TMC7: variants seen among roughly 807,000 people sequenced by gnomAD.
TMC7 encodes the protein transmembrane channel like 7, also known as transmembrane channel-like protein 7.
A neutral mutation model predicts 82.9 loss-of-function variants in TMC7; 54 were observed. That is an observed-to-expected ratio of 0.65 (90% CI 0.52 to 0.82). The LOEUF (loss-of-function observed/expected upper bound fraction) is 0.82. TMC7 is among the 40% of genes least tolerant of loss of function. The pLI, the probability that TMC7 is intolerant of heterozygous loss-of-function variation, is 0.00. For missense variants in TMC7, 820 were observed against 901.2 expected, an observed-to-expected ratio of 0.91 and a Z score of 1.15; for synonymous variants, 350 against 337.9, an observed-to-expected ratio of 1.04 and a Z score of -0.39.
At chr16:19,006,778 G>A (rs2039247396) in intron 1 of TMC7, among the ~76,000 whole-genome samples, 1 of 152,172 alleles carries the variant, frequency 6.6e-6, no homozygotes, top group South Asian at 2.1e-4. Flanking sequence ...TCATCATGGC[G>A]ATGCCTGGTG....
intron 2 of TMC7, among the ~76,000 whole-genome samples, chr16:19,011,243 G>A (rs999758410): frequency 2.0e-5 from 3 of 152,156 alleles, no homozygotes; most frequent in Admixed American, 6.6e-5. Flanking sequence ...ATGGATTTGG[G>A]TGGTAGCTTG....
chr16:18,985,393 T>C (rs1227279748), intron 1 of TMC7, among the ~76,000 whole-genome samples: 2 of 151,962 alleles, frequency 1.3e-5, no homozygotes, highest in Non-Finnish European at 2.9e-5. Context: ...AAAACAAAAG[T>C]TGGGGTGGAT....
At chr16:19,001,026 C>G (rs1265468977) in intron 1 of TMC7, among the ~76,000 whole-genome samples, 1 of 151,958 alleles carries the variant, frequency 6.6e-6, no homozygotes, top group Admixed American at 6.6e-5. Flanking sequence ...AATAAAACAC[C>G]AAACAAAACA....
At chr16:19,029,252 G>A (rs1249492452) in intron 5 of TMC7, among the ~76,000 whole-genome samples, 7 of 151,802 alleles carry the variant, frequency 4.6e-5, no homozygotes, top group Admixed American at 2.0e-4. Context: ...TGATCTATCC[G>A]CCTCGGCCTC....
In TMC7 at chr16:19,014,028, G is replaced by A. The variant is rs114707203; in HGVS notation, c.312-2422G>A. ...GCCACCGCACCCAGCTAATTTTTTTGTATTTTTTATTTTGTTTTTAGTAGA... is the reference window on the plus strand; with the variant it reads ...GCCACCGCACCCAGCTAATTTTTTTATATTTTTTATTTTGTTTTTAGTAGA... On this transcript the variant is annotated intron_variant, in intron 2 of 15. Coordinates refer to ENST00000304381, the MANE Select transcript of TMC7 (RefSeq NM_024847.4). Among the ~76,000 whole-genome samples the A allele has an allele frequency of 7.5e-3, 1,133 of 151,442 alleles. 11 individuals carry two copies. The highest frequency in any genetic ancestry group is 0.026 in the African/African-American group (1,080 of 41,296).
intron 1 of TMC7, among the ~76,000 whole-genome samples, chr16:18,988,447 G>A (rs1045753807): frequency 6.6e-5 from 10 of 151,502 alleles, no homozygotes; most frequent in African/African-American, 2.2e-4. Context: ...ATGCAACCAC[G>A]TCTGGCTAAT....
intron 13 of TMC7, among the ~76,000 whole-genome samples, chr16:19,052,694 T>G (rs1961592737): frequency 1.3e-5 from 2 of 151,676 alleles, no homozygotes; most frequent in South Asian, 4.2e-4. Context: ...GCCTGGAACT[T>G]TGAGTCCCTC....
intron 12 of TMC7, among the ~76,000 whole-genome samples, chr16:19,050,366 CAAAAAAAAAAAAAA>C (rs71143824): frequency 1.2e-5 from 1 of 83,048 alleles, no homozygotes; most frequent in Non-Finnish European, 2.1e-5. Flanking sequence ...GATTCCGTCT[CAAAAAAAAAAAAAA>C]AAAAAAAAAA....
At chr16:19,000,835 A>G (rs988900670) in intron 1 of TMC7, among the ~76,000 whole-genome samples, 1 of 152,132 alleles carries the variant, frequency 6.6e-6, no homozygotes, top group South Asian at 2.1e-4. Context: ...TCTGGGCAAT[A>G]TGGTAAAACC....
At position 19,062,664 on chromosome 16, in the gene TMC7, T is replaced by C. The variant is rs1046303359; in HGVS notation, c.*821T>C. ...AGAATATCTCTTAAGATTTCCGTTA[T>C]GGTAAAAACCATATGCAATAAATAC... is the stretch of plus-strand genomic sequence containing the variant. On this transcript the variant is annotated 3_prime_UTR_variant, in exon 16 of 16. Coordinates refer to ENST00000304381, the MANE Select transcript of TMC7 (RefSeq NM_024847.4). 2.6e-5 allele frequency: 4 copies of C among 152,666 alleles called. No individual in the cohort carries two copies. The highest frequency in any genetic ancestry group is 7.2e-5 in the African/African-American group (3 of 41,458). 9.5% of individuals were successfully genotyped at this position (152,666 alleles called of 1,614,324 possible).
At chr16:19,037,117 C>A (rs1960782856) in intron 7 of TMC7, among the ~76,000 whole-genome samples, 2 of 152,042 alleles carry the variant, frequency 1.3e-5, no homozygotes, top group South Asian at 4.1e-4. Context: ...TTGGGCTAGG[C>A]CAGGCGCAGT....
At chr16:19,042,001 A>G (rs954099400) in intron 9 of TMC7, among the ~76,000 whole-genome samples, 11 of 152,092 alleles carry the variant, frequency 7.2e-5, no homozygotes, top group African/African-American at 2.7e-4. Context: ...CATAGTTGCT[A>G]TAAATGACTG....
chr16:19,051,899 T>C, intron 13 of TMC7, 83 bp downstream of exon 13: 1 of 291,472 alleles, frequency 3.4e-6, no homozygotes, highest in South Asian at 1.0e-4. Context: ...TCATATCACA[T>C]TTTTTTTTTT....
chr16:19,025,943 C>A (rs1050817805), intron 5 of TMC7, among the ~76,000 whole-genome samples: 2 of 151,580 alleles, frequency 1.3e-5, no homozygotes, highest in Non-Finnish European at 2.9e-5. Context: ...TGTGTATGTG[C>A]GTGTGTTTGT....
chr16:19,032,498 G>C (rs1960561770), intron 6 of TMC7, among the ~76,000 whole-genome samples: 1 of 151,322 alleles, frequency 6.6e-6, no homozygotes, highest in African/African-American at 2.4e-5. Flanking sequence ...AGACAATTTG[G>C]AAGTGCCATC....
rs11864159 is a variant in TMC7, at chr16:19,056,574, C to T, written c.1904C>T (p.Thr635Ile). 4,177 of 1,614,106 alleles carry T rather than the reference C, an allele frequency of 2.6e-3. 96 individuals are homozygous for T. In the African/African-American group the frequency reaches 0.047, roughly 18 times the overall value. ...IPSSKACGPF[T>I]NFNTTWEVIP... ...TCCTCGAAAGCCTGTGGGCCGTTCA[C>T]CAACTTCAACACCACCTGGGAGGTC... Residue 635 changes from threonine to isoleucine, a missense_variant, in exon 14 of 16, where the codon ACC (threonine) becomes ATC (isoleucine). Around this residue, in one of 2 missense-constraint regions of TMC7, gnomAD observed 170 missense variants for 231.3 expected, o/e 0.74. Transcript: ENST00000304381.
chr16:19,008,312 TGATATAGAAAC>T (rs998020899), intron 1 of TMC7, among the ~76,000 whole-genome samples: 2 of 152,186 alleles, frequency 1.3e-5, no homozygotes, highest in African/African-American at 4.8e-5. Context: ...AGCTCTGGCC[TGATATAGAAAC>T]GATAAGGGTT....
Position 19,001,190 on chromosome 16 carries a change from C to T in TMC7, c.68-7982C>T, listed in dbSNP as rs1345939549. Among the ~76,000 whole-genome samples, 3 of 152,098 alleles carry T rather than the reference C, an allele frequency of 2.0e-5. No homozygotes were observed. In the East Asian group the frequency reaches 5.8e-4, roughly 29 times the overall value. ...TGGTTGGCGTGGTGGGTGATCTAAC[C>T]TATCTTGTATCCTCAGCATCAAATT... On this transcript the variant is annotated intron_variant, in intron 1 of 15. Coordinates refer to ENST00000304381, the MANE Select transcript of TMC7 (RefSeq NM_024847.4).
chr16:19,059,538 C>G, intron 15 of TMC7, 44 bp downstream of exon 15: 2 of 1,614,030 alleles, frequency 1.2e-6, no homozygotes, highest in East Asian at 4.5e-5. Flanking sequence ...GGGACATTTA[C>G]CCAGGACACT....
Sources: gnomAD v4.1 joint callset for allele counts (sites outside exome capture counted in the v4.1 genomes callset) on GRCh38, gnomAD v4.1.1 for gene constraint, gnomAD v4.1.1 regional missense constraint, MANE v1.5 for transcripts, NCBI Gene and HGNC (gene_info 2026-07-23, HGNC 2026-07-21) for gene names.